The following NTM variants were observed in gnomAD, a reference collection of about 807,000 sequenced individuals.
NTM encodes the protein neurotrimin.
NTM carries 13 observed loss-of-function variants against 42.1 expected under a neutral mutation model. That is an observed-to-expected ratio of 0.31 (90% CI 0.20 to 0.49). The LOEUF is 0.49. Among genes scored for constraint, NTM ranks in the 20% least tolerant of loss-of-function variants. The probability of loss-of-function intolerance (pLI) is 0.99; values close to 1 mark genes in which losing one functional copy is unlikely to be tolerated. For synonymous variants in NTM, 187 were observed against 179.2 expected (o/e 1.04, Z -0.35); for missense variants, 373 against 452.8 (o/e 0.82, Z 1.60).
intron 1 of NTM, among the ~76,000 whole-genome samples, chr11:131,598,747 CT>C (rs59632464): frequency 0.037 from 2,677 of 72,884 alleles, 143 homozygotes; most frequent in African/African-American, 0.072. Context: ...TTCTTTCTTT[CT>C]TTCTTTCTTC....
intron 2 of NTM, among the ~76,000 whole-genome samples, chr11:132,060,210 C>G (rs544164326): frequency 7.3e-4 from 111 of 152,340 alleles, no homozygotes; most frequent in Non-Finnish European, 1.4e-3. Flanking sequence ...ACATCCACCC[C>G]CTGGGCTTCG....
intron 1 of NTM, among the ~76,000 whole-genome samples, chr11:131,666,521 C>G (rs2069084426): frequency 6.6e-6 from 1 of 152,152 alleles, no homozygotes; most frequent in Admixed American, 6.5e-5. Context: ...TGGAGCCATG[C>G]CTACAACCAC....
chr11:132,192,367 C>A (rs1210548088), intron 3 of NTM, among the ~76,000 whole-genome samples: 1 of 152,088 alleles, frequency 6.6e-6, no homozygotes, highest in Middle Eastern at 3.2e-3. Flanking sequence ...TTCTGAGCAT[C>A]CTAAAAGAAA....
At chr11:131,499,001 G>A (rs1203385655) in intron 1 of NTM, among the ~76,000 whole-genome samples, 1 of 151,930 alleles carries the variant, frequency 6.6e-6, no homozygotes, top group African/African-American at 2.4e-5. Context: ...GCATCACTTG[G>A]CCAAGCATCC....
intron 1 of NTM, among the ~76,000 whole-genome samples, chr11:131,804,040 A>T (rs144835712): frequency 9.9e-4 from 151 of 152,306 alleles, no homozygotes; most frequent in African/African-American, 3.4e-3. Context: ...TTGCCCCGAC[A>T]TAAAATCTGT....
At chr11:131,497,749 T>C (rs1040109248) in intron 1 of NTM, among the ~76,000 whole-genome samples, 3 of 152,164 alleles carry the variant, frequency 2.0e-5, no homozygotes, top group African/African-American at 7.2e-5. Flanking sequence ...CTGTTCTTTG[T>C]TCTTCATTTT....
rs1222053915 is a variant in NTM at position 131,943,904 on chromosome 11, C to G, written c.167+32256C>G. ...AGCCTGGCAGACATTCTAATTCCAA[C>G]TCACATTTTTCTAAAAGGAAAAAAA... On this transcript the variant is annotated intron_variant, in intron 2 of 8. Transcript: ENST00000683400. Among the ~76,000 whole-genome samples the G allele has an allele frequency of 2.4e-5, 3 of 127,366 alleles. No individual in the cohort carries two copies. In the East Asian group the frequency reaches 7.5e-4, roughly 32 times the overall value. The allele number at this position is 127,366 out of a possible 152,430, so 83.6% of individuals were successfully genotyped here.
chr11:132,067,984 C>T (rs537476147), intron 2 of NTM, among the ~76,000 whole-genome samples: 1 of 152,272 alleles, frequency 6.6e-6, no homozygotes, highest in African/African-American at 2.4e-5. Context: ...CTGTATGTGT[C>T]ATAGGGATTC....
At chr11:131,822,595 A>G (rs1459824956) in intron 1 of NTM, among the ~76,000 whole-genome samples, 1 of 151,334 alleles carries the variant, frequency 6.6e-6, no homozygotes, top group Non-Finnish European at 1.5e-5. Flanking sequence ...AGTGTCTTGA[A>G]TCAGCAACTG....
At chr11:131,458,517 C>T (rs924258048) in intron 1 of NTM, among the ~76,000 whole-genome samples, 6 of 152,208 alleles carry the variant, frequency 3.9e-5, no homozygotes, top group African/African-American at 1.2e-4. Flanking sequence ...AGCCTCTCTC[C>T]CTACCCAACT....
chr11:132,224,597 A>G (rs1305887427), intron 4 of NTM, among the ~76,000 whole-genome samples: 1 of 152,236 alleles, frequency 6.6e-6, no homozygotes, highest in Non-Finnish European at 1.5e-5. Context: ...GGCAGGGCAG[A>G]AACCCCTTTT....
chr11:131,379,810 T>C (rs914189881), intron 1 of NTM, among the ~76,000 whole-genome samples: 1 of 152,208 alleles, frequency 6.6e-6, no homozygotes, highest in African/African-American at 2.4e-5. Context: ...CTATTTTCTA[T>C]AAAATCATCC....
At chr11:131,535,219 GT>G (rs2051983375) in intron 1 of NTM, 1 of 152,254 alleles carries the variant, frequency 6.6e-6, no homozygotes, top group Non-Finnish European at 1.5e-5. Flanking sequence ...CCTACTGTGA[GT>G]CAGGTGCTGT....
chr11:131,657,032 C>T (rs1462481534), intron 1 of NTM, among the ~76,000 whole-genome samples: 1 of 151,330 alleles, frequency 6.6e-6, no homozygotes, highest in Non-Finnish European at 1.5e-5. Flanking sequence ...TGCTTCTCTG[C>T]ATTGTTAGCG....
intron 4 of NTM, among the ~76,000 whole-genome samples, chr11:132,254,262 C>A (rs1400473647): frequency 6.6e-6 from 1 of 152,064 alleles, no homozygotes; most frequent in Admixed American, 6.5e-5. Context: ...TCCCCGCAAC[C>A]CGTCTTCATC....
chr11:132,202,864 T>C (rs1326470705), intron 3 of NTM, among the ~76,000 whole-genome samples: 1 of 152,178 alleles, frequency 6.6e-6, no homozygotes, highest in African/African-American at 2.4e-5. Flanking sequence ...ACTAGGTTTT[T>C]TTCCTAGAGC....
At chr11:131,833,427 C>T (rs747861606) in intron 1 of NTM, among the ~76,000 whole-genome samples, 12 of 152,148 alleles carry the variant, frequency 7.9e-5, no homozygotes, top group Non-Finnish European at 1.5e-4. Context: ...AATTGTATCC[C>T]TATTTTACAG....
In NTM at chr11:132,044,082, G is replaced by GTA. The variant is rs1451883854; in HGVS notation, c.168-102199_168-102198insAT. Among the ~76,000 whole-genome samples, 383 of 73,026 alleles carry GTA rather than the reference G, an allele frequency of 5.2e-3. 2 individuals carry two copies. Among genetic ancestry groups the GTA allele is most frequent in the African/African-American group, 0.022 (368 of 16,446 alleles). The allele number at this position is 73,026 out of a possible 152,430, so 47.9% of individuals were successfully genotyped here. A position where few individuals can be genotyped will look rare whatever the true frequency, so the allele number is the denominator to read the frequency against. On this transcript the variant is annotated intron_variant, in intron 2 of 8. Transcript: ENST00000683400. Reference sequence around the variant, plus strand: ...TATGTGTGTGTATGTGTATGTGTTTGTGTGTATGTGTGTATGTATATGTGT... The same window carrying GTA: ...TATGTGTGTGTATGTGTATGTGTTTGTATGTGTATGTGTGTATGTATATGTGT...
intron 4 of NTM, among the ~76,000 whole-genome samples, chr11:132,217,434 G>C (rs1214079078): frequency 6.9e-6 from 1 of 144,484 alleles, no homozygotes; most frequent in Non-Finnish European, 1.5e-5. Flanking sequence ...TGTTTCTCAG[G>C]TTCTCTCTTT....
Sources: allele counts gnomAD v4.1 joint callset (sites outside exome capture counted in the v4.1 genomes callset), GRCh38; gene constraint gnomAD v4.1.1; transcripts MANE v1.5; gene names NCBI Gene and HGNC (gene_info 2026-07-23, HGNC 2026-07-21).